PTPRK: variants seen among roughly 807,000 people sequenced by gnomAD.
The protein encoded by PTPRK is receptor-type tyrosine-protein phosphatase kappa.
PTPRK carries 75 observed loss-of-function variants against 178.0 expected under a neutral mutation model. The ratio of observed to expected loss-of-function variants is 0.42; its 90% CI spans 0.35 to 0.51. The LOEUF (loss-of-function observed/expected upper bound fraction) is 0.51, where lower values mean the gene tolerates loss of function less well. PTPRK is among the 20% of genes least tolerant of loss of function. PTPRK has a pLI of 0.02. For synonymous variants in PTPRK, 637 were observed against 620.6 expected (o/e 1.03, Z -0.39); for missense variants, 1,441 against 1,797.8 (o/e 0.80, Z 3.59).
intron 7 of PTPRK, among the ~76,000 whole-genome samples, chr6:128,115,518 A>C (rs1344698868): frequency 6.6e-6 from 1 of 152,122 alleles, no homozygotes; most frequent in Non-Finnish European, 1.5e-5. Context: ...ATAAAAATAA[A>C]ATTAGGAAGC....
chr6:128,397,663 T>G lies in PTPRK; in HGVS notation c.126A>C (p.Pro42=), dbSNP rs1840494111. The G allele has an allele frequency of 6.2e-7, 1 of 1,613,344 alleles. No homozygotes were observed. Among genetic ancestry groups the G allele is most frequent in the East Asian group, 2.2e-5 (1 of 44,856 alleles). Residue 42 remains proline, a synonymous_variant, in exon 2 of 30, where the codon CCA becomes CCC. Transcript: ENST00000368226. ...GATCCTGGTGGTAATCACAGGCCCCTGGACCATCATCAAAAGTACAGCCAC... is the reference window on the plus strand; with the variant it reads ...GATCCTGGTGGTAATCACAGGCCCCGGGACCATCATCAAAAGTACAGCCAC... ...SAGGCTFDDG[P]GACDYHQDLY...
intron 1 of PTPRK, among the ~76,000 whole-genome samples, chr6:128,510,213 C>T (rs979501549): frequency 1.3e-5 from 2 of 152,148 alleles, no homozygotes; most frequent in East Asian, 1.9e-4. Context: ...AGGTCCATTA[C>T]GGACCATTAA....
chr6:128,285,960 T>C (rs1049454059), intron 3 of PTPRK, among the ~76,000 whole-genome samples: 1 of 152,096 alleles, frequency 6.6e-6, no homozygotes, highest in Non-Finnish European at 1.5e-5. Flanking sequence ...GTTCGAACCG[T>C]GATCCACGAG....
At position 128,519,208 on chromosome 6, in the gene PTPRK, C is replaced by A; in HGVS notation, c.100+1051G>T. On this transcript the variant is annotated intron_variant, in intron 1 of 29. Coordinates refer to ENST00000368226, the MANE Select transcript of PTPRK (RefSeq NM_002844.4). The surrounding 1 kb of genome is among the most constrained non-coding windows in gnomAD (Gnocchi z 4.3). ...GTAGACAAGTGCTCGGGAGCCCGCT[C>A]CCCAGCGTCCACCTGGTGAAACTTC... 1 of 447,558 alleles carries A rather than the reference C, an allele frequency of 2.2e-6. No homozygotes were observed. Among genetic ancestry groups the A allele is most frequent in the Non-Finnish European group, 4.6e-6 (1 of 219,006 alleles). 27.7% of individuals were successfully genotyped at this position (447,558 alleles called of 1,614,324 possible). A position where few individuals can be genotyped will look rare whatever the true frequency, so the allele number is the denominator to read the frequency against.
chr6:128,421,638 G>A (rs1843495950), intron 1 of PTPRK, among the ~76,000 whole-genome samples: 1 of 152,048 alleles, frequency 6.6e-6, no homozygotes, highest in Non-Finnish European at 1.5e-5. Context: ...AACTACACAA[G>A]AGAACACCTC....
At chr6:128,503,842 T>TTTTGTGTGTG (rs754558996) in intron 1 of PTPRK, among the ~76,000 whole-genome samples, 2 of 139,886 alleles carry the variant, frequency 1.4e-5, no homozygotes, top group African/African-American at 5.4e-5. Flanking sequence ...CTGGTTATTA[T>TTTTGTGTGTG]TGTGTGTGTG....
intron 7 of PTPRK, among the ~76,000 whole-genome samples, chr6:128,151,184 A>G (rs1249763930): frequency 6.9e-6 from 1 of 145,654 alleles, no homozygotes; most frequent in East Asian, 2.1e-4. Context: ...TAAAAATTCA[A>G]AAAAGGGAGG....
chr6:128,036,024 T>C (rs1323115667), intron 13 of PTPRK, among the ~76,000 whole-genome samples: 23 of 152,226 alleles, frequency 1.5e-4, no homozygotes, highest in Non-Finnish European at 1.5e-5. Context: ...TTGGTTATCT[T>C]TTGAAATTAC....
intron 3 of PTPRK, among the ~76,000 whole-genome samples, chr6:128,254,152 T>C (rs1457637797): frequency 6.6e-6 from 1 of 152,184 alleles, no homozygotes; most frequent in Non-Finnish European, 1.5e-5. Flanking sequence ...GGTTTTGACA[T>C]AAAGTTTGTA....
chr6:128,421,635 C>T (rs117923942), intron 1 of PTPRK, among the ~76,000 whole-genome samples: 72 of 152,234 alleles, frequency 4.7e-4, no homozygotes, highest in Non-Finnish European at 8.8e-4. Context: ...AGTAACTACA[C>T]AAGAGAACAC....
chr6:128,357,473 GGA>G (rs962741865), intron 2 of PTPRK, among the ~76,000 whole-genome samples: 4 of 152,190 alleles, frequency 2.6e-5, no homozygotes, highest in African/African-American at 9.6e-5. Context: ...GGCAGGAGCA[GGA>G]GAGAGATATG....
intron 1 of PTPRK, among the ~76,000 whole-genome samples, chr6:128,503,895 G>A (rs1012764272): frequency 2.8e-5 from 4 of 143,366 alleles, no homozygotes; most frequent in Non-Finnish European, 4.5e-5. Flanking sequence ...TAGAGATAAG[G>A]TCTTGCTATT....
At chr6:128,401,341 C>G (rs189108005) in intron 1 of PTPRK, among the ~76,000 whole-genome samples, 3 of 152,304 alleles carry the variant, frequency 2.0e-5, no homozygotes, top group African/African-American at 7.2e-5. Flanking sequence ...GTAAGTACCC[C>G]TGACCCCAAA....
intron 7 of PTPRK, among the ~76,000 whole-genome samples, chr6:128,106,997 G>T (rs1789831187): frequency 6.6e-6 from 1 of 151,858 alleles, no homozygotes; most frequent in Admixed American, 6.6e-5. Context: ...TTCAAAACTG[G>T]GTTTAAAGAA....
intron 3 of PTPRK, among the ~76,000 whole-genome samples, chr6:128,320,254 G>C (rs1828603864): frequency 1.3e-5 from 2 of 152,136 alleles, no homozygotes; most frequent in African/African-American, 4.8e-5. Context: ...TAACTTAATA[G>C]TAGAATTAAC....
intron 1 of PTPRK, among the ~76,000 whole-genome samples, chr6:128,451,207 G>T (rs1374874073): frequency 6.6e-6 from 1 of 152,120 alleles, no homozygotes; most frequent in East Asian, 1.9e-4. Flanking sequence ...ATGCCAACGT[G>T]GGGAACATCT....
intron 3 of PTPRK, among the ~76,000 whole-genome samples, chr6:128,249,209 T>C (rs1816030267): frequency 1.3e-5 from 2 of 151,318 alleles, no homozygotes; most frequent in East Asian, 1.9e-4. Context: ...CAGAAAAATA[T>C]AGTAGTAGAA....
rs1420812095 is a variant in PTPRK at position 127,982,997 on chromosome 6, A to C, written c.3388-17T>G. ...GTACTGTTCCTACCAAAAGAATGAAAAAGAAAATTTTGTACTAGTTTTAGT... is the reference window on the plus strand; with the variant it reads ...GTACTGTTCCTACCAAAAGAATGAACAAGAAAATTTTGTACTAGTTTTAGT... On this transcript the variant is annotated splice_polypyrimidine_tract_variant and intron_variant, in intron 23 of 29. Transcript: ENST00000368226. The C allele has an allele frequency of 1.3e-6, 2 of 1,593,734 alleles. No homozygotes were observed. Among genetic ancestry groups the C allele is most frequent in the African/African-American group, 1.4e-5 (1 of 73,560 alleles).
At chr6:128,345,996 T>C (rs1335242080) in intron 2 of PTPRK, among the ~76,000 whole-genome samples, 2 of 152,196 alleles carry the variant, frequency 1.3e-5, no homozygotes, top group African/African-American at 2.4e-5. Flanking sequence ...GTAAAAGGTA[T>C]ATATTTCAGG....
Sources: gnomAD v4.1 joint callset for allele counts (sites outside exome capture counted in the v4.1 genomes callset) on GRCh38, gnomAD v4.1.1 for gene constraint, Gnocchi (gnomAD v3.1) non-coding constraint, MANE v1.5 for transcripts, NCBI Gene and HGNC (gene_info 2026-07-23, HGNC 2026-07-21) for gene names.